Variants in ATG5 observed in about 807,000 individuals in gnomAD.
ATG5 encodes the protein autophagy protein 5.
A neutral mutation model predicts 36.5 loss-of-function variants in ATG5; 14 were observed. The observed-to-expected ratio is 0.38, with a 90% CI of 0.25 to 0.60. ATG5 has a LOEUF of 0.60. ATG5 is among the 20% of genes least tolerant of loss of function. The pLI, the probability that ATG5 is intolerant of heterozygous loss-of-function variation, is 0.60. For synonymous variants in ATG5, 95 were observed against 101.5 expected (o/e 0.94, Z 0.38); for missense variants, 195 against 326.7 (o/e 0.60, Z 3.11).
intron 4 of ATG5, among the ~76,000 whole-genome samples, chr6:106,290,115 C>T (rs2114624214): frequency 6.6e-6 from 1 of 151,778 alleles, no homozygotes. Flanking sequence ...TAACCTCAAA[C>T]TCCTGGGCTC....
intron 3 of ATG5, among the ~76,000 whole-genome samples, chr6:106,302,402 G>A (rs903014500): frequency 2.6e-5 from 4 of 152,036 alleles, no homozygotes; most frequent in African/African-American, 9.7e-5. Flanking sequence ...TGGTAAGTCA[G>A]AATAGGGTTC....
intron 3 of ATG5, among the ~76,000 whole-genome samples, chr6:106,302,244 G>A (rs1770242869): frequency 6.6e-6 from 1 of 152,018 alleles, no homozygotes. Context: ...CAAATTAGAT[G>A]AGCAAAGAAA....
intron 4 of ATG5, among the ~76,000 whole-genome samples, chr6:106,280,701 A>T (rs193232070): frequency 6.6e-6 from 1 of 152,240 alleles, no homozygotes; most frequent in East Asian, 1.9e-4. Flanking sequence ...TTTTATATGG[A>T]TTATCTTATT....
chr6:106,284,994 C>A (rs1294954030), intron 4 of ATG5, among the ~76,000 whole-genome samples: 1 of 152,152 alleles, frequency 6.6e-6, no homozygotes, highest in African/African-American at 2.4e-5. Flanking sequence ...AGGAGTGTAA[C>A]CATTATTTCT....
chr6:106,221,662 G>C (rs1777254089), intron 6 of ATG5, among the ~76,000 whole-genome samples: 2 of 149,602 alleles, frequency 1.3e-5, no homozygotes, highest in South Asian at 4.3e-4. Context: ...CTCCACCCTG[G>C]GTGACAGAGT....
At chr6:106,286,057 C>CAAA (rs1340513351) in intron 4 of ATG5, among the ~76,000 whole-genome samples, 5 of 151,526 alleles carry the variant, frequency 3.3e-5, no homozygotes, top group African/African-American at 1.2e-4. Context: ...CACTCTTAAC[C>CAAA]CTACAACATC....
chr6:106,322,169 T>A (rs1232233584), intron 1 of ATG5, among the ~76,000 whole-genome samples: 1 of 152,222 alleles, frequency 6.6e-6, no homozygotes, highest in African/African-American at 2.4e-5. Context: ...TATTGACTTC[T>A]ATTTTCTGCA....
At chr6:106,240,035 C>T (rs963199770) in intron 6 of ATG5, among the ~76,000 whole-genome samples, 3 of 151,780 alleles carry the variant, frequency 2.0e-5, no homozygotes, top group Admixed American at 1.3e-4. Context: ...CTCTGTTGAC[C>T]AGGCTGGACT....
At chr6:106,317,737 A>C (rs1194666757) in intron 1 of ATG5, among the ~76,000 whole-genome samples, 1 of 152,214 alleles carries the variant, frequency 6.6e-6, no homozygotes, top group Non-Finnish European at 1.5e-5. Flanking sequence ...GAGTTTCTGC[A>C]TTTGGCAAAA....
At chr6:106,262,669 G>A (rs1214214117) in intron 5 of ATG5, among the ~76,000 whole-genome samples, 1 of 152,046 alleles carries the variant, frequency 6.6e-6, no homozygotes, top group African/African-American at 2.4e-5. Flanking sequence ...AGGTCATCTT[G>A]TTGGGACCGG....
At chr6:106,192,783 A>G (rs547831698) in intron 7 of ATG5, among the ~76,000 whole-genome samples, 1 of 152,286 alleles carries the variant, frequency 6.6e-6, no homozygotes, top group East Asian at 1.9e-4. Context: ...TAGAAGTTTT[A>G]AAAAATAGAG....
chr6:106,204,150 A>G (rs1030970235), intron 6 of ATG5, among the ~76,000 whole-genome samples: 1 of 152,180 alleles, frequency 6.6e-6, no homozygotes, highest in Non-Finnish European at 1.5e-5. Flanking sequence ...TGGGTGCAGC[A>G]AACCACCATG....
chr6:106,273,083 G>T (rs1477516149), intron 5 of ATG5, among the ~76,000 whole-genome samples: 1 of 152,114 alleles, frequency 6.6e-6, no homozygotes, highest in Non-Finnish European at 1.5e-5. Context: ...TTTTGCTAAA[G>T]ACTGTAAAAA....
intron 4 of ATG5, among the ~76,000 whole-genome samples, chr6:106,281,274 G>A (rs1323861307): frequency 1.3e-5 from 2 of 152,128 alleles, no homozygotes; most frequent in Non-Finnish European, 2.9e-5. Context: ...TTTTGACAAT[G>A]AGTAACTGTC....
At chr6:106,206,511 A>G (rs2114374024) in intron 6 of ATG5, among the ~76,000 whole-genome samples, 1 of 152,246 alleles carries the variant, frequency 6.6e-6, no homozygotes, top group South Asian at 2.1e-4. Context: ...TTAGCTGGGC[A>G]TAGTTGTGGG....
intron 7 of ATG5, among the ~76,000 whole-genome samples, chr6:106,193,124 T>C (rs1776031625): frequency 6.6e-6 from 1 of 152,200 alleles, no homozygotes; most frequent in East Asian, 1.9e-4. Flanking sequence ...CACTACATGA[T>C]GTAGCAGTAA....
intron 6 of ATG5, among the ~76,000 whole-genome samples, chr6:106,217,277 G>T (rs1777076314): frequency 6.6e-6 from 1 of 151,920 alleles, no homozygotes; most frequent in African/African-American, 2.4e-5. Context: ...TGTCTTAACT[G>T]TTCACCAAAA....
At chr6:106,317,945 CCATGATA>C (rs1770917211) in intron 1 of ATG5, among the ~76,000 whole-genome samples, 2 of 152,122 alleles carry the variant, frequency 1.3e-5, no homozygotes, top group East Asian at 3.8e-4. Context: ...GTTTCTGCAG[CCATGATA>C]CATCCAGTTA....
intron 7 of ATG5, among the ~76,000 whole-genome samples, chr6:106,191,502 C>A (rs1775965375): frequency 6.6e-6 from 1 of 152,108 alleles, no homozygotes; most frequent in African/African-American, 2.4e-5. Flanking sequence ...AGAGTGTAAA[C>A]CATCATAATT....
Sources: gnomAD v4.1 joint callset for allele counts (sites outside exome capture counted in the v4.1 genomes callset) on GRCh38, gnomAD v4.1.1 for gene constraint, MANE v1.5 for transcripts, NCBI Gene and HGNC (gene_info 2026-07-23, HGNC 2026-07-21) for gene names.